The following SLC7A14 variants were observed in gnomAD, a reference collection of about 807,000 sequenced individuals.
SLC7A14 encodes solute carrier family 7 member 14.
Under a neutral mutation model 60.2 loss-of-function variants are expected in SLC7A14, and 37 were observed. The observed-to-expected ratio is 0.61, with a 90% CI of 0.47 to 0.81. SLC7A14 has a LOEUF of 0.81. SLC7A14 is among the 30% of genes least tolerant of loss of function. SLC7A14 has a pLI of 0.00. For synonymous variants in SLC7A14, 399 were observed against 395.8 expected, an observed-to-expected ratio of 1.01 and a Z score of -0.10; for missense variants, 886 against 982.7, an observed-to-expected ratio of 0.90 and a Z score of 1.32.
intron 2 of SLC7A14, among the ~76,000 whole-genome samples, chr3:170,510,397 A>AAAT (rs1553869059): frequency 2.1e-5 from 3 of 143,980 alleles, no homozygotes; most frequent in South Asian, 2.2e-4. Context: ...CAAAAAAAAA[A>AAAT]AAATAAATAA....
intron 1 of SLC7A14, among the ~76,000 whole-genome samples, chr3:170,578,585 C>A (rs145023384): frequency 2.5e-3 from 373 of 152,148 alleles, no homozygotes; most frequent in African/African-American, 8.7e-3. Context: ...TGTAAAATGG[C>A]GATGATAGCA....
chr3:170,483,184 T>C, intron 6 of SLC7A14, 130 bp downstream of exon 6: 1 of 1,071,776 alleles, frequency 9.3e-7, no homozygotes, highest in South Asian at 1.5e-5. Context: ...TTCTTCAGGA[T>C]ACATAACAAG....
chr3:170,497,906 C>T (rs1712461490), intron 4 of SLC7A14, among the ~76,000 whole-genome samples: 1 of 152,194 alleles, frequency 6.6e-6, no homozygotes, highest in Non-Finnish European at 1.5e-5. Flanking sequence ...TCTTGCTAAC[C>T]CCTAGACCAC....
chr3:170,515,618 G>A (rs1713130491), intron 2 of SLC7A14, among the ~76,000 whole-genome samples: 1 of 149,066 alleles, frequency 6.7e-6, no homozygotes, highest in Non-Finnish European at 1.5e-5. Flanking sequence ...GGGTTAGGAT[G>A]TGTGTTGGGG....
At chr3:170,521,322 G>A (rs1316114499) in intron 2 of SLC7A14, among the ~76,000 whole-genome samples, 1 of 152,170 alleles carries the variant, frequency 6.6e-6, no homozygotes, top group Non-Finnish European at 1.5e-5. Flanking sequence ...GGAATGGTGC[G>A]GCAAGGCCAA....
chr3:170,483,234 A>T, intron 6 of SLC7A14, 80 bp downstream of exon 6: 1 of 1,485,580 alleles, frequency 6.7e-7, no homozygotes, highest in Non-Finnish European at 9.3e-7. Context: ...TCAAAATCAC[A>T]GTCAGTCTGA....
chr3:170,509,505 T>G (rs1438330699), intron 2 of SLC7A14, among the ~76,000 whole-genome samples: 1 of 152,178 alleles, frequency 6.6e-6, no homozygotes, highest in East Asian at 1.9e-4. Flanking sequence ...GTTTAATAAT[T>G]TGTTGATTAA....
intron 1 of SLC7A14, among the ~76,000 whole-genome samples, chr3:170,563,656 G>C (rs1714721443): frequency 6.6e-6 from 1 of 151,910 alleles, no homozygotes; most frequent in Non-Finnish European, 1.5e-5. Context: ...CCTGACCTCA[G>C]GTGATCCACC....
chr3:170,564,072 C>A (rs911685886), intron 1 of SLC7A14, among the ~76,000 whole-genome samples: 1 of 152,144 alleles, frequency 6.6e-6, no homozygotes, highest in Non-Finnish European at 1.5e-5. Context: ...AGTCACTACC[C>A]CTTTAAACCC....
At chr3:170,557,492 G>A (rs1453078710) in intron 1 of SLC7A14, among the ~76,000 whole-genome samples, 3 of 152,192 alleles carry the variant, frequency 2.0e-5, no homozygotes, top group Middle Eastern at 3.2e-3. Context: ...TGCCCTCAGG[G>A]ATCTCATAGT....
intron 1 of SLC7A14, among the ~76,000 whole-genome samples, chr3:170,564,285 G>A (rs1421676597): frequency 6.6e-6 from 1 of 152,238 alleles, no homozygotes; most frequent in African/African-American, 2.4e-5. Context: ...GGCACTTCCT[G>A]TTGTTAGAGA....
Position 170,535,197 on chromosome 3 carries a change from G to A in SLC7A14, c.-152-8109C>T, listed in dbSNP as rs1189359484. Among the ~76,000 whole-genome samples, 1 of 151,788 alleles carries A rather than the reference G, an allele frequency of 6.6e-6. No homozygotes were observed. Among genetic ancestry groups the A allele is most frequent in the African/African-American group, 2.4e-5 (1 of 41,368 alleles). ...CGCAGATCAGGGTCTCCCAGGTTAGGGTCTCAGGTCTCTGCTTGGTGTCAT... is the reference window on the plus strand; with the variant it reads ...CGCAGATCAGGGTCTCCCAGGTTAGAGTCTCAGGTCTCTGCTTGGTGTCAT... On this transcript the variant is annotated intron_variant, in intron 1 of 7. Coordinates refer to ENST00000231706, the MANE Select transcript of SLC7A14 (RefSeq NM_020949.3). The surrounding 1 kb of genome is among the most constrained non-coding windows in gnomAD (Gnocchi z 4.3).
chr3:170,530,000 T>C (rs1413839056), intron 1 of SLC7A14, among the ~76,000 whole-genome samples: 1 of 152,180 alleles, frequency 6.6e-6, no homozygotes, highest in African/African-American at 2.4e-5. Flanking sequence ...ATTTCTAGAC[T>C]CCAGAATGGT....
At chr3:170,514,480 C>G (rs1713088768) in intron 2 of SLC7A14, among the ~76,000 whole-genome samples, 2 of 152,156 alleles carry the variant, frequency 1.3e-5, no homozygotes, top group Admixed American at 6.5e-5. Flanking sequence ...GTCATGATAC[C>G]TTGTTTATTT....
chr3:170,498,515 A>T, intron 4 of SLC7A14, 152 bp downstream of exon 4: 1 of 671,852 alleles, frequency 1.5e-6, no homozygotes, highest in Non-Finnish European at 2.5e-6. Context: ...TCTTCAGGAT[A>T]TTCCAACTAA....
At chr3:170,566,822 A>AG (rs904252150) in intron 1 of SLC7A14, among the ~76,000 whole-genome samples, 2 of 151,594 alleles carry the variant, frequency 1.3e-5, no homozygotes, top group African/African-American at 4.9e-5. Flanking sequence ...AAAAAAAAAA[A>AG]AGAGAAAAAG....
intron 1 of SLC7A14, among the ~76,000 whole-genome samples, chr3:170,577,479 G>A (rs191474962): frequency 0.023 from 3,418 of 151,614 alleles, 146 homozygotes; most frequent in African/African-American, 0.079. Flanking sequence ...TTAGCCGGGC[G>A]CGGTGGCGGG....
At chr3:170,511,562 A>G (rs893777628) in intron 2 of SLC7A14, among the ~76,000 whole-genome samples, 4 of 152,160 alleles carry the variant, frequency 2.6e-5, no homozygotes, top group African/African-American at 9.7e-5. Context: ...AGTTCCTGAC[A>G]TATGTTAGGT....
chr3:170,523,853 C>A (rs572620890), intron 2 of SLC7A14, among the ~76,000 whole-genome samples: 2 of 152,158 alleles, frequency 1.3e-5, no homozygotes, highest in African/African-American at 2.4e-5. Flanking sequence ...GCAGCACTTC[C>A]TTTAGTTTAG....
Sources: gnomAD v4.1 joint callset for allele counts (sites outside exome capture counted in the v4.1 genomes callset) on GRCh38, gnomAD v4.1.1 for gene constraint, Gnocchi (gnomAD v3.1) non-coding constraint, MANE v1.5 for transcripts, NCBI Gene and HGNC (gene_info 2026-07-23, HGNC 2026-07-21) for gene names.